Variants in TMEM132D observed in about 807,000 individuals in gnomAD.
TMEM132D encodes transmembrane protein 132D.
A neutral mutation model predicts 62.3 loss-of-function variants in TMEM132D; 21 were observed. That is an observed-to-expected ratio of 0.34 (90% CI 0.24 to 0.49). TMEM132D has a LOEUF of 0.49. TMEM132D is among the 20% of genes least tolerant of loss of function. The probability of loss-of-function intolerance (pLI) is 0.99; values close to 1 mark genes in which losing one functional copy is unlikely to be tolerated. For synonymous variants in TMEM132D, 621 were observed against 575.6 expected (o/e 1.08, Z -1.13); for missense variants, 1,346 against 1,402.8 (o/e 0.96, Z 0.65).
chr12:129,125,499 A>ATTTT lies in TMEM132D; in HGVS notation c.1444-40798_1444-40797insAAAA, dbSNP rs1565972138. On this transcript the variant is annotated intron_variant, in intron 5 of 8. Transcript: ENST00000422113. ...GATGTGACGATGTCGAATTACTATG[A>ATTTT]GTTTTTTTTTTTTTTTTTTTTTTGA... Among the ~76,000 whole-genome samples the ATTTT allele has an allele frequency of 1.0e-4, 13 of 127,814 alleles. 5 individuals carry two copies. The highest frequency in any genetic ancestry group is 2.3e-4 in the East Asian group (1 of 4,344). The allele number at this position is 127,814 out of a possible 152,430, so 83.9% of individuals were successfully genotyped here. A position where few individuals can be genotyped will look rare whatever the true frequency, so the allele number is the denominator to read the frequency against.
chr12:129,086,978 T>C (rs1874640731), intron 5 of TMEM132D, among the ~76,000 whole-genome samples: 1 of 152,148 alleles, frequency 6.6e-6, no homozygotes, highest in South Asian at 2.1e-4. Flanking sequence ...CCATCAATAG[T>C]GTATAAGTGT....
At chr12:129,092,905 A>T (rs59472484) in intron 5 of TMEM132D, among the ~76,000 whole-genome samples, 9,067 of 152,286 alleles carry the variant, frequency 0.06, 938 homozygotes, top group African/African-American at 0.21. Flanking sequence ...GGCCTGCCAC[A>T]CTGGGCTAAT....
intron 5 of TMEM132D, among the ~76,000 whole-genome samples, chr12:129,126,993 G>A (rs1325631948): frequency 6.6e-6 from 1 of 152,220 alleles, no homozygotes; most frequent in Non-Finnish European, 1.5e-5. Flanking sequence ...GAGAGACAAG[G>A]ACGCAGTCTG....
Position 129,528,265 on chromosome 12 carries a change from T to C in TMEM132D, c.1115+2794A>G, listed in dbSNP as rs76544668. On this transcript the variant is annotated intron_variant, in intron 3 of 8. Coordinates refer to ENST00000422113, the MANE Select transcript of TMEM132D (RefSeq NM_133448.3). ...CTCATCGCAGTCCATTCACTATCTG[T>C]AATCACGGAGCATGATTTCTCTTTG... Among the ~76,000 whole-genome samples the C allele has an allele frequency of 5.4e-3, 828 of 152,300 alleles. 12 individuals carry two copies. Among genetic ancestry groups the C allele is most frequent in the East Asian group, 0.027 (140 of 5,190 alleles).
Position 129,700,147 on chromosome 12 carries a change from C to T in TMEM132D, c.631G>A (p.Gly211Arg), listed in dbSNP as rs764438255. Residue 211 changes from glycine (G) to arginine (R), a missense_variant, in exon 2 of 9, where the codon GGG (glycine) becomes AGG (arginine). Physicochemically the swap from Gly to Arg is moderately radical, Grantham distance 125. Transcript: ENST00000422113. The part of the protein sequence containing the change: ...SWFSPPTVVA[G>R]RRKSVDQPEG... ...GGCTGGTCCACGGACTTCCTCCTCC[C>T]GGCAACCACCGTGGGGGGGCTGAAC... 18 of 1,613,052 alleles carry T rather than the reference C, an allele frequency of 1.1e-5. No homozygotes were observed. The Admixed American group carries it at 1.7e-4, about 15-fold the overall frequency.
At chr12:129,794,286 G>A (rs1871496708) in intron 1 of TMEM132D, among the ~76,000 whole-genome samples, 1 of 128,506 alleles carries the variant, frequency 7.8e-6, no homozygotes, top group East Asian at 2.2e-4. Flanking sequence ...ATTTTTGGTA[G>A]AGAAAGGGTT....
chr12:129,116,167 C>G (rs1316511333), intron 5 of TMEM132D, among the ~76,000 whole-genome samples: 1 of 152,152 alleles, frequency 6.6e-6, no homozygotes, highest in Non-Finnish European at 1.5e-5. Context: ...AGAAGCTTCA[C>G]CTGGGGAGTC....
rs185502567 is a variant in TMEM132D at position 129,717,395 on chromosome 12, G to T, written c.80-16697C>A. On this transcript the variant is annotated intron_variant, in intron 1 of 8. Transcript: ENST00000422113. ...ATGACATTCCAAGTATTTCATAAAT[G>T]TTGCTACTTCATTTGCCTTTTTTTG... is the stretch of plus-strand genomic sequence containing the variant. 3.0e-4 allele frequency among the ~76,000 whole-genome samples: 45 copies of T among 152,084 alleles called. 3 individuals carry two copies. The East Asian group carries it at 8.7e-3, about 29-fold the overall frequency.
At chr12:129,872,435 G>C (rs1874279086) in intron 1 of TMEM132D, among the ~76,000 whole-genome samples, 1 of 152,142 alleles carries the variant, frequency 6.6e-6, no homozygotes, top group Non-Finnish European at 1.5e-5. Context: ...CCCCTGCCTG[G>C]GGTCCCCAGC....
chr12:129,672,669 C>T (rs535445763), intron 2 of TMEM132D, among the ~76,000 whole-genome samples: 1 of 152,264 alleles, frequency 6.6e-6, no homozygotes, highest in South Asian at 2.1e-4. Flanking sequence ...TGAGCTTTGA[C>T]AATTTTATAG....
At chr12:129,299,244 C>T (rs1881648750) in intron 4 of TMEM132D, among the ~76,000 whole-genome samples, 1 of 152,138 alleles carries the variant, frequency 6.6e-6, no homozygotes, top group Non-Finnish European at 1.5e-5. Context: ...GTGCTGGGGT[C>T]AGCCTGTGTG....
In TMEM132D at chr12:129,699,881, C is replaced by T. The variant is rs761165993; in HGVS notation, c.897G>A (p.Val299=). The T allele has an allele frequency of 6.2e-7, 1 of 1,614,198 alleles. No homozygotes were observed. Among genetic ancestry groups the T allele is most frequent in the Non-Finnish European group, 8.5e-7 (1 of 1,180,044 alleles). The change falls in exon 2 of 9, where the codon GTG becomes GTA. Residue 299 remains valine, a synonymous_variant. Transcript: ENST00000422113. Reference sequence around the variant, plus strand: ...GAAAAGTCAGCACGTCTCCTTTCCTCACGGTCTTTGGTATATAGTGGATGG... The same window carrying T: ...GAAAAGTCAGCACGTCTCCTTTCCTTACGGTCTTTGGTATATAGTGGATGG... ...SVAIHYIPKT[V]RKGDVLTFPV... is the part of the protein sequence containing the mutation.
intron 4 of TMEM132D, among the ~76,000 whole-genome samples, chr12:129,307,062 A>ATT (rs3045974): frequency 0.59 from 88,579 of 149,342 alleles, 26,452 homozygotes; most frequent in East Asian, 0.65. Context: ...CAATAGACTG[A>ATT]TTTTTTTTTT....
intron 3 of TMEM132D, among the ~76,000 whole-genome samples, chr12:129,350,234 C>A (rs1423734763): frequency 6.6e-6 from 1 of 152,192 alleles, no homozygotes; most frequent in Non-Finnish European, 1.5e-5. Context: ...TCAAAGACTT[C>A]TCTTCCCCAG....
chr12:129,666,730 GCTTA>G (rs958674126), intron 2 of TMEM132D, among the ~76,000 whole-genome samples: 5 of 152,252 alleles, frequency 3.3e-5, no homozygotes, highest in African/African-American at 1.2e-4. Context: ...AATTAAAACT[GCTTA>G]CTTATCAGGT....
intron 1 of TMEM132D, among the ~76,000 whole-genome samples, chr12:129,753,235 C>A (rs1313123079): frequency 1.3e-5 from 2 of 152,160 alleles, no homozygotes; most frequent in African/African-American, 2.4e-5. Context: ...TATATCAGAA[C>A]CTCCTGGAGT....
intron 2 of TMEM132D, among the ~76,000 whole-genome samples, chr12:129,608,064 A>G (rs1878677008): frequency 2.0e-5 from 3 of 152,202 alleles, no homozygotes; most frequent in Admixed American, 2.0e-4. Context: ...ACACATTGCA[A>G]GAAGAATAGA....
At chr12:129,178,125 T>C (rs1297363022) in intron 5 of TMEM132D, among the ~76,000 whole-genome samples, 1 of 152,244 alleles carries the variant, frequency 6.6e-6, no homozygotes, top group Non-Finnish European at 1.5e-5. Flanking sequence ...GGCTGCATAG[T>C]ATTCCAAGGT....
chr12:129,749,951 GT>G (rs1489823515), intron 1 of TMEM132D, among the ~76,000 whole-genome samples: 2 of 152,162 alleles, frequency 1.3e-5, no homozygotes, highest in East Asian at 1.9e-4. Context: ...TGTGGCAGTG[GT>G]TAGCAAAGCC....
Sources: gnomAD v4.1 joint callset for allele counts (sites outside exome capture counted in the v4.1 genomes callset) on GRCh38, gnomAD v4.1.1 for gene constraint, MANE v1.5 for transcripts, NCBI Gene and HGNC (gene_info 2026-07-23, HGNC 2026-07-21) for gene names.